Variants in TSPAN9 observed in about 807,000 individuals in gnomAD.
The protein encoded by TSPAN9 is tetraspanin 9.
A neutral mutation model predicts 31.0 loss-of-function variants in TSPAN9; 16 were observed. That is an observed-to-expected ratio of 0.52 (90% CI 0.35 to 0.78). TSPAN9 has a LOEUF of 0.78. TSPAN9 is among the 30% of genes least tolerant of loss of function. TSPAN9 has a pLI of 0.01. For missense variants in TSPAN9, 272 were observed against 312.5 expected, an observed-to-expected ratio of 0.87 and a Z score of 0.98; for synonymous variants, 145 against 121.6, an observed-to-expected ratio of 1.19 and a Z score of -1.27.
At chr12:3,209,430 T>C (rs1565614641) in intron 3 of TSPAN9, among the ~76,000 whole-genome samples, 1 of 152,156 alleles carries the variant, frequency 6.6e-6, no homozygotes, top group Non-Finnish European at 1.5e-5. Context: ...TCTGTAAACA[T>C]TCTCGTATAA....
intron 3 of TSPAN9, among the ~76,000 whole-genome samples, chr12:3,226,613 A>G (rs527990898): frequency 6.7e-6 from 1 of 148,860 alleles, no homozygotes. Flanking sequence ...AGCCTAGGCA[A>G]CATAACAAGA....
chr12:3,156,070 G>T (rs2098342124), intron 2 of TSPAN9, among the ~76,000 whole-genome samples: 1 of 152,198 alleles, frequency 6.6e-6, no homozygotes, highest in Admixed American at 6.5e-5. Flanking sequence ...GCTTTTCTTA[G>T]CTGGGAGGTT....
intron 1 of TSPAN9, among the ~76,000 whole-genome samples, chr12:3,081,001 G>T (rs190265860): frequency 1.8e-3 from 275 of 152,338 alleles, no homozygotes; most frequent in Non-Finnish European, 1.7e-3. Flanking sequence ...AAGTGAATGA[G>T]TGAGTGGGTT....
intron 2 of TSPAN9, among the ~76,000 whole-genome samples, chr12:3,118,256 G>GTGTTTTTTTTTTTTTT (rs2098323368): frequency 9.5e-5 from 3 of 31,562 alleles, no homozygotes; most frequent in East Asian, 1.5e-3. Context: ...TGCACCCGCC[G>GTGTTTTTTTTTTTTTT]TTTTTTTTTT....
At chr12:3,118,418 T>C (rs1304092951) in intron 2 of TSPAN9, among the ~76,000 whole-genome samples, 1 of 151,590 alleles carries the variant, frequency 6.6e-6, no homozygotes, top group Non-Finnish European at 1.5e-5. Flanking sequence ...CCCACCATCA[T>C]GCCCGGCTAA....
At chr12:3,281,621 G>A in intron 7 of TSPAN9, 113 bp from the exon 8 acceptor site, 1 of 1,287,024 alleles carries the variant, frequency 7.8e-7, no homozygotes, top group Non-Finnish European at 1.1e-6. Flanking sequence ...AGGCCAGGGA[G>A]GGCTGGGAGG....
intron 2 of TSPAN9, among the ~76,000 whole-genome samples, chr12:3,127,187 G>T (rs2098327701): frequency 6.6e-6 from 1 of 151,744 alleles, no homozygotes; most frequent in African/African-American, 2.4e-5. Context: ...GATCACTTGA[G>T]CCCAGGAGTT....
chr12:3,196,737 C>T (rs1033372882), intron 2 of TSPAN9, among the ~76,000 whole-genome samples: 2 of 152,192 alleles, frequency 1.3e-5, no homozygotes, highest in African/African-American at 4.8e-5. Flanking sequence ...AGAACTGTTG[C>T]ATTGCAGCCT....
intron 2 of TSPAN9, among the ~76,000 whole-genome samples, chr12:3,132,190 T>G (rs1390541724): frequency 1.3e-5 from 2 of 152,222 alleles, no homozygotes; most frequent in Non-Finnish European, 2.9e-5. Flanking sequence ...TTGGGTTGTT[T>G]CCACCTTTGG....
chr12:3,263,254 C>A (rs953712916), intron 3 of TSPAN9, among the ~76,000 whole-genome samples: 26 of 152,308 alleles, frequency 1.7e-4, no homozygotes, highest in African/African-American at 6.3e-4. Flanking sequence ...TAGTTTCAAC[C>A]TTTTGTTTTA....
chr12:3,279,141 C>T (rs1156850643), intron 5 of TSPAN9, 75 bp downstream of exon 5: 1 of 1,344,736 alleles, frequency 7.4e-7, no homozygotes, highest in Non-Finnish European at 1.1e-6. Context: ...GCCAGGGTCC[C>T]TTCCCTGGCC....
intron 2 of TSPAN9, among the ~76,000 whole-genome samples, chr12:3,167,067 G>A (rs2098348845): frequency 6.6e-6 from 1 of 152,174 alleles, no homozygotes; most frequent in African/African-American, 2.4e-5. Context: ...AAAATGCTGG[G>A]ATTACAGGTA....
intron 2 of TSPAN9, among the ~76,000 whole-genome samples, chr12:3,084,464 G>C (rs775868285): frequency 6.6e-6 from 1 of 151,752 alleles, no homozygotes; most frequent in Non-Finnish European, 1.5e-5. Context: ...GCAGGGAGAG[G>C]GGGTGGAATG....
intron 3 of TSPAN9, among the ~76,000 whole-genome samples, chr12:3,221,360 C>CTT (rs61424013): frequency 0.058 from 8,197 of 141,266 alleles, 281 homozygotes; most frequent in African/African-American, 0.064. Context: ...ATATTTTTCT[C>CTT]TTTTTTTTTT....
At chr12:3,131,464 C>T (rs2098329812) in intron 2 of TSPAN9, among the ~76,000 whole-genome samples, 1 of 152,204 alleles carries the variant, frequency 6.6e-6, no homozygotes, top group Non-Finnish European at 1.5e-5. Context: ...CCTTCTCCAG[C>T]CTCATTTTCT....
chr12:3,085,236 G>A (rs2098299853), intron 2 of TSPAN9, among the ~76,000 whole-genome samples: 1 of 151,688 alleles, frequency 6.6e-6, no homozygotes, highest in Non-Finnish European at 1.5e-5. Flanking sequence ...AGAGAGGGAA[G>A]GACTTAAGGA....
intron 2 of TSPAN9, chr12:3,173,065 CTGACAAGTCTCTCCAAGCTG>C (rs1418291378): frequency 6.6e-6 from 1 of 152,326 alleles, no homozygotes. Context: ...CCACAGCTTC[CTGACAAGTCTCTCCAAGCTG>C]TCCTTTGCTG....
chr12:3,121,010 C>T (rs1267521687), intron 2 of TSPAN9, among the ~76,000 whole-genome samples: 4 of 152,034 alleles, frequency 2.6e-5, no homozygotes, highest in Non-Finnish European at 5.9e-5. Flanking sequence ...GCCACTGGCT[C>T]CTTTGCAGGT....
chr12:3,148,364 G>GAGTCACA (rs1413091156), intron 2 of TSPAN9, among the ~76,000 whole-genome samples: 1 of 152,236 alleles, frequency 6.6e-6, no homozygotes, highest in African/African-American at 2.4e-5. Flanking sequence ...AGTCAGTCCA[G>GAGTCACA]AGTCACAAGC....
Sources: allele counts gnomAD v4.1 joint callset (sites outside exome capture counted in the v4.1 genomes callset), GRCh38; gene constraint gnomAD v4.1.1; transcripts MANE v1.5; gene names NCBI Gene and HGNC (gene_info 2026-07-23, HGNC 2026-07-21).